Variants in ZNF726 observed in about 807,000 individuals in gnomAD.
The protein encoded by ZNF726 is zinc finger protein 726.
ZNF726 carries 15 observed loss-of-function variants against 11.6 expected under a neutral mutation model. The ratio of observed to expected loss-of-function variants is 1.29; its 90% CI spans 0.86 to 1.99. The LOEUF is 1.99. Ranked by LOEUF, ZNF726 falls within the 30% of genes most tolerant of loss-of-function variation. ZNF726 has a pLI of 0.00. For synonymous variants in ZNF726, 295 were observed against 243.6 expected (o/e 1.21, Z -1.96); for missense variants, 890 against 725.6 (o/e 1.23, Z -2.60).
At chr19:23,929,975 C>T (rs10420981) in intron 3 of ZNF726, among the ~76,000 whole-genome samples, 35,968 of 151,904 alleles carry the variant, frequency 0.24, 4,470 homozygotes, top group African/African-American at 0.27. Context: ...GCAGTTCTTA[C>T]TATATGTAGA....
chr19:23,919,066 CACA>C (rs1263724941), intron 1 of ZNF726: 25 of 215,576 alleles, frequency 1.2e-4, no homozygotes, highest in African/African-American at 5.7e-4. Flanking sequence ...GAAAAATATA[CACA>C]ACTCATTCAG....
chr19:23,917,632 A>C (rs1009072113), intron 1 of ZNF726, among the ~76,000 whole-genome samples: 10 of 152,154 alleles, frequency 6.6e-5, no homozygotes, highest in African/African-American at 2.2e-4. Context: ...AAATTTTGAC[A>C]GTGAATATCT....
At chr19:23,940,233 T>A (rs1968316757) in intron 3 of ZNF726, among the ~76,000 whole-genome samples, 1 of 152,200 alleles carries the variant, frequency 6.6e-6, no homozygotes, top group Non-Finnish European at 1.5e-5. Flanking sequence ...CTCCTACATG[T>A]GGCTAGCCAA....
At chr19:23,929,379 TGTG>T (rs1319250965) in intron 3 of ZNF726, 1 of 153,412 alleles carries the variant, frequency 6.5e-6, no homozygotes, top group Admixed American at 6.5e-5. Flanking sequence ...GACTTACAGT[TGTG>T]TGTGACTGGG....
In ZNF726 at chr19:23,932,191, G is replaced by T. The variant is rs73928478; in HGVS notation, c.227-152G>T. 0.011 allele frequency among the ~76,000 whole-genome samples: 1,657 copies of T among 152,064 alleles called. 33 individuals are homozygous for T. Among genetic ancestry groups the T allele is most frequent in the African/African-American group, 0.038 (1,566 of 41,476 alleles). On this transcript the variant is annotated intron_variant, in intron 3 of 3. Coordinates refer to ENST00000594466, the MANE Select transcript of ZNF726 (RefSeq NM_001244038.2). ...GATGTATTTTGGTTTGTAAGTTTTTGTTACATTTAAATGTCTATGAAAGAA... is the reference window on the plus strand; with the variant it reads ...GATGTATTTTGGTTTGTAAGTTTTTTTTACATTTAAATGTCTATGAAAGAA...
chr19:23,920,407 C>T (rs1448027105), intron 3 of ZNF726: 3 of 171,998 alleles, frequency 1.7e-5, no homozygotes, highest in Non-Finnish European at 2.5e-5. Flanking sequence ...AGTTTTGAGA[C>T]ACTCTATGTT....
At chr19:23,929,959 A>C (rs1157568549) in intron 3 of ZNF726, among the ~76,000 whole-genome samples, 1 of 152,184 alleles carries the variant, frequency 6.6e-6, no homozygotes, top group Non-Finnish European at 1.5e-5. Flanking sequence ...AAATGGACTT[A>C]TTATAGCAGT....
In ZNF726 at chr19:23,933,821, G is replaced by A. The variant is rs1968176510; in HGVS notation, c.1705G>A (p.Glu569Lys). The stretch of plus-strand genomic sequence containing the variant: ...TGGAGAGAAACCTTACAAGTGTGAA[G>A]AATGTGGAAAAGCGTTTAATCGATC... Reference protein sequence around the residue: ...HTGEKPYKCEECGKAFNRSSN... With the variant: ...HTGEKPYKCEKCGKAFNRSSN... The change falls in exon 4 of 4, where the codon GAA becomes AAA. Residue 569 changes from glutamate (E) to lysine (K), a missense_variant. Glu to Lys is a moderately conservative substitution (Grantham distance 56). Transcript: ENST00000594466. The A allele has an allele frequency of 1.2e-6, 2 of 1,603,890 alleles. No individual in the cohort carries two copies. The highest frequency in any genetic ancestry group is 2.2e-5 in the East Asian group (1 of 44,466).
rs1968185215 is a variant in ZNF726, at chr19:23,934,107, ACATTAGATAATT to A, written c.*143_*154del. 3 of 1,120,754 alleles carry A rather than the reference ACATTAGATAATT, an allele frequency of 2.7e-6. No individual in the cohort carries two copies. Among genetic ancestry groups the A allele is most frequent in the Non-Finnish European group, 4.0e-6 (3 of 745,704 alleles). The allele number at this position is 1,120,754 out of a possible 1,614,324, so 69.4% of individuals were successfully genotyped here. On this transcript the variant is annotated 3_prime_UTR_variant, in exon 4 of 4. Transcript: ENST00000594466. ...GCTTTTAATCCTCAAATCTTACTAA[ACATTAGATAATT>A]CACACTGGAGAGAAACCTTACAAGT...
intron 1 of ZNF726, among the ~76,000 whole-genome samples, chr19:23,917,500 A>AG (rs1431553690): frequency 3.9e-5 from 6 of 152,142 alleles, no homozygotes; most frequent in Non-Finnish European, 8.8e-5. Context: ...AAAGAAAAAA[A>AG]AAAAAAATCT....
chr19:23,937,240 C>T (rs1385220214), downstream of ZNF726, among the ~76,000 whole-genome samples: 1 of 150,232 alleles, frequency 6.7e-6, no homozygotes, highest in African/African-American at 2.4e-5. Flanking sequence ...AGGGGGCTGA[C>T]CCCCACCTCC....
Position 23,920,008 on chromosome 19 carries a change from ACCT to A in ZNF726, c.154_156del (p.Leu52del). 1 of 1,586,042 alleles carries A rather than the reference ACCT, an allele frequency of 6.3e-7. No homozygotes were observed. Among genetic ancestry groups the A allele is most frequent in the Non-Finnish European group, 8.6e-7 (1 of 1,163,964 alleles). On this transcript the variant is annotated inframe_deletion, in exon 3 of 4. Transcript: ENST00000594466. ...ACAGGTATTGCTGTCTCTAAGCCAG[ACCT>A]CATCATCTGTCTGGAGAAAGAAAAA...
chr19:23,917,696 A>G (rs1967738271), intron 1 of ZNF726, among the ~76,000 whole-genome samples: 1 of 152,178 alleles, frequency 6.6e-6, no homozygotes, highest in South Asian at 2.1e-4. Context: ...TACAAATAAT[A>G]AAATAATACA....
In ZNF726 at chr19:23,917,024, C is replaced by T. The variant is rs78817320; in HGVS notation, c.3+2027C>T. On this transcript the variant is annotated intron_variant, in intron 1 of 3. Transcript: ENST00000594466. Reference sequence around the variant, plus strand: ...GGAGTAAAGTGGTGCCATCTCTGCTCACTGCAACCTCCAAATCCTGACTTC... The same window carrying T: ...GGAGTAAAGTGGTGCCATCTCTGCTTACTGCAACCTCCAAATCCTGACTTC... 2.0e-3 allele frequency among the ~76,000 whole-genome samples: 307 copies of T among 152,338 alleles called. 1 individual carries two copies. The highest frequency in any genetic ancestry group is 3.0e-3 in the Non-Finnish European group (204 of 68,024).
At chr19:23,936,753 T>A (rs1370468181), downstream of ZNF726, among the ~76,000 whole-genome samples, 2 of 151,488 alleles carry the variant, frequency 1.3e-5, no homozygotes, top group African/African-American at 4.8e-5. Context: ...TATTTTAATT[T>A]ATTTTTTATT....
rs570937653 is a variant in ZNF726, at chr19:23,933,336, A to G, written c.1220A>G (p.His407Arg). The change falls in exon 4 of 4, where the codon CAT (histidine) becomes CGT (arginine). Residue 407 changes from histidine to arginine, a missense_variant. Transcript: ENST00000594466. ...TGTGAAGAATGTGGCAAAGCTTTTC[A>G]TCGATCCTCAAATCTTACTAAACAT... ...YKCEECGKAF[H>R]RSSNLTKHKI... 5.0e-6 allele frequency: 8 copies of G among 1,608,536 alleles called. No homozygotes were observed. In the African/African-American group the frequency reaches 6.8e-5, roughly 14 times the overall value.
intron 3 of ZNF726, among the ~76,000 whole-genome samples, chr19:23,924,547 T>TA (rs1967936593): frequency 1.3e-5 from 2 of 152,240 alleles, no homozygotes; most frequent in Non-Finnish European, 2.9e-5. Flanking sequence ...ATAATTGTTT[T>TA]AAAAAAACAT....
At chr19:23,938,420 A>G (rs1968282083), downstream of ZNF726, among the ~76,000 whole-genome samples, 1 of 152,070 alleles carries the variant, frequency 6.6e-6, no homozygotes, top group Non-Finnish European at 1.5e-5. Context: ...ACTAGAAAAA[A>G]ACCAAAATTC....
chr19:23,933,249 T>A lies in ZNF726; in HGVS notation c.1133T>A (p.Phe378Tyr). ...AAATGTGAAGAATGTGGCAAAGCAT[T>A]TATATGGCCCTCAACCCTAACTAAA... ...PYKCEECGKAFIWPSTLTKHK... is the reference protein window; with the variant it reads ...PYKCEECGKAYIWPSTLTKHK... Residue 378 changes from phenylalanine to tyrosine, a missense_variant, in exon 4 of 4, where the codon TTT becomes TAT. Coordinates refer to ENST00000594466, the MANE Select transcript of ZNF726 (RefSeq NM_001244038.2). 6.2e-7 allele frequency: 1 copy of A among 1,613,170 alleles called. No homozygotes were observed. The highest frequency in any genetic ancestry group is 1.3e-5 in the African/African-American group (1 of 74,622).
Sources: gnomAD v4.1 joint callset for allele counts (sites outside exome capture counted in the v4.1 genomes callset) on GRCh38, gnomAD v4.1.1 for gene constraint, MANE v1.5 for transcripts, NCBI Gene and HGNC (gene_info 2026-07-23, HGNC 2026-07-21) for gene names.